SORCS1: variants seen among roughly 807,000 people sequenced by gnomAD.
SORCS1 encodes the protein sortilin related VPS10 domain containing receptor 1.
Under a neutral mutation model 146.1 loss-of-function variants are expected in SORCS1, and 60 were observed. The observed-to-expected ratio is 0.41, with a 90% CI of 0.33 to 0.51. The LOEUF (loss-of-function observed/expected upper bound fraction) is 0.51. Ranked by LOEUF, SORCS1 falls within the 20% of genes least tolerant of loss-of-function variation. The probability of loss-of-function intolerance (pLI) is 0.21; values close to 1 mark genes in which losing one functional copy is unlikely to be tolerated. For synonymous variants in SORCS1, 637 were observed against 584.0 expected (o/e 1.09, Z -1.31); for missense variants, 1,352 against 1,487.6 (o/e 0.91, Z 1.50).
intron 1 of SORCS1, among the ~76,000 whole-genome samples, chr10:107,133,847 C>T (rs573053076): frequency 6.6e-6 from 1 of 152,222 alleles, no homozygotes; most frequent in Non-Finnish European, 1.5e-5. Context: ...CAGCTTTCAA[C>T]TTTAGATTTT....
chr10:106,947,587 T>C (rs1211674853), intron 2 of SORCS1, among the ~76,000 whole-genome samples: 2 of 152,168 alleles, frequency 1.3e-5, no homozygotes, highest in Non-Finnish European at 2.9e-5. Context: ...CTCACGCCTG[T>C]AATCCCAGCA....
intron 3 of SORCS1, among the ~76,000 whole-genome samples, chr10:106,797,557 G>C (rs186458585): frequency 6.6e-6 from 1 of 151,492 alleles, no homozygotes; most frequent in African/African-American, 2.4e-5. Flanking sequence ...ATGAAAAACA[G>C]AGGGTAGAAA....
Position 106,709,277 on chromosome 10 carries a change from T to C in SORCS1, c.1089A>G (p.Pro363=), listed in dbSNP as rs759474935. ...TCAAAGAGTCTGGGTCAATGTAGCCTGGAAAAGGCTGATTCCTGTTGGCCT... is the reference window on the plus strand; with the variant it reads ...TCAAAGAGTCTGGGTCAATGTAGCCCGGAAAAGGCTGATTCCTGTTGGCCT... ...CTEANRNQPF[P]GYIDPDSLIV... The change falls in exon 7 of 26, where the codon CCA becomes CCG. Residue 363 remains proline (P), a synonymous_variant. Transcript: ENST00000263054. 163 of 1,613,720 alleles carry C rather than the reference T, an allele frequency of 1.0e-4. No individual in the cohort carries two copies. The highest frequency in any genetic ancestry group is 1.3e-4 in the Non-Finnish European group (159 of 1,179,880).
At chr10:106,924,960 C>A (rs10748929) in intron 2 of SORCS1, among the ~76,000 whole-genome samples, 79,044 of 151,854 alleles carry the variant, frequency 0.52, 22,266 homozygotes, top group Non-Finnish European at 0.63. Flanking sequence ...TCCTCACTCA[C>A]AAGATATATT....
intron 2 of SORCS1, among the ~76,000 whole-genome samples, chr10:106,860,815 T>C (rs1489531597): frequency 1.3e-5 from 2 of 152,222 alleles, no homozygotes; most frequent in Non-Finnish European, 2.9e-5. Context: ...GTTTGTAATA[T>C]TGGCGAGTTG....
chr10:107,072,723 T>G, intron 1 of SORCS1, among the ~76,000 whole-genome samples: 1 of 148,052 alleles, frequency 6.8e-6, no homozygotes, highest in Admixed American at 6.7e-5. Flanking sequence ...TATTTATTCC[T>G]AAACAGAACA....
Position 106,960,136 on chromosome 10 carries a change from C to A in SORCS1, c.559-3556G>T, listed in dbSNP as rs917330800. 4.6e-5 allele frequency among the ~76,000 whole-genome samples: 7 copies of A among 152,180 alleles called. No homozygotes were observed. Among genetic ancestry groups the A allele is most frequent in the African/African-American group, 1.2e-4 (5 of 41,440 alleles). On this transcript the variant is annotated intron_variant, in intron 1 of 25. Coordinates refer to ENST00000263054, the MANE Select transcript of SORCS1 (RefSeq NM_052918.5). The surrounding 1 kb of genome is among the most constrained non-coding windows in gnomAD (Gnocchi z 4.4). ...ATGGTACTAGCTTTTTAAGGTTCCT[C>A]TCTAAATCTTAGGATATTATCTTTA...
intron 17 of SORCS1, among the ~76,000 whole-genome samples, chr10:106,666,073 C>G (rs767324367): frequency 2.0e-5 from 3 of 152,124 alleles, no homozygotes; most frequent in African/African-American, 7.2e-5. Flanking sequence ...ATCTCCTGAC[C>G]TTGTGATCCG....
At chr10:107,130,738 CTT>C (rs944740535) in intron 1 of SORCS1, among the ~76,000 whole-genome samples, 4 of 143,192 alleles carry the variant, frequency 2.8e-5, no homozygotes, top group Non-Finnish European at 3.1e-5. Flanking sequence ...AGAAAGTTTT[CTT>C]TTTTTTTTTT....
intron 3 of SORCS1, among the ~76,000 whole-genome samples, chr10:106,794,659 C>T (rs1174040951): frequency 6.6e-6 from 1 of 151,924 alleles, no homozygotes; most frequent in Non-Finnish European, 1.5e-5. Flanking sequence ...CCCGCCACCA[C>T]GCCCGGCTAA....
chr10:107,164,825 C>T (rs928699372), upstream of SORCS1, among the ~76,000 whole-genome samples: 1 of 147,424 alleles, frequency 6.8e-6, no homozygotes, highest in South Asian at 2.1e-4. This position sits in a 1 kb window ranked among gnomAD's most constrained non-coding sequence, Gnocchi z 6.8. Context: ...GCAGGCGCTG[C>T]CGGGACTCCG....
chr10:106,998,020 A>G (rs1957070747), intron 1 of SORCS1, among the ~76,000 whole-genome samples: 1 of 152,234 alleles, frequency 6.6e-6, no homozygotes, highest in Non-Finnish European at 1.5e-5. Flanking sequence ...TAAGGAGAAG[A>G]CCTCACTTAA....
At chr10:106,892,081 C>T (rs963544391) in intron 2 of SORCS1, among the ~76,000 whole-genome samples, 3 of 152,218 alleles carry the variant, frequency 2.0e-5, no homozygotes, top group African/African-American at 7.2e-5. Flanking sequence ...TTCTCCATGT[C>T]TCAGAGCAAA....
chr10:106,972,503 T>A (rs773905153), intron 1 of SORCS1, among the ~76,000 whole-genome samples: 1 of 152,032 alleles, frequency 6.6e-6, no homozygotes, highest in African/African-American at 2.4e-5. Flanking sequence ...TTCTCAACTA[T>A]CCTTTACAGC....
chr10:107,075,724 C>T (rs1281317375), intron 1 of SORCS1, among the ~76,000 whole-genome samples: 1 of 152,056 alleles, frequency 6.6e-6, no homozygotes, highest in Non-Finnish European at 1.5e-5. Flanking sequence ...GCAACTTTTG[C>T]AGTAGCTGGG....
intron 1 of SORCS1, among the ~76,000 whole-genome samples, chr10:106,986,227 G>A (rs1272257391): frequency 6.8e-6 from 1 of 146,910 alleles, no homozygotes; most frequent in Non-Finnish European, 1.5e-5. Context: ...CATACAGCAT[G>A]TATATTCATA....
At chr10:106,957,897 G>A (rs553737552) in intron 1 of SORCS1, among the ~76,000 whole-genome samples, 1 of 152,210 alleles carries the variant, frequency 6.6e-6, no homozygotes, top group South Asian at 2.1e-4. Flanking sequence ...TTTGTCTGAC[G>A]CCAGAAGAGA....
At chr10:106,821,472 T>G (rs1948020293) in intron 3 of SORCS1, among the ~76,000 whole-genome samples, 1 of 152,246 alleles carries the variant, frequency 6.6e-6, no homozygotes, top group Admixed American at 6.5e-5. Context: ...CATATAAACT[T>G]GATCATCATA....
intron 3 of SORCS1, among the ~76,000 whole-genome samples, chr10:106,801,014 C>T (rs1241050632): frequency 6.6e-6 from 1 of 152,194 alleles, no homozygotes; most frequent in African/African-American, 2.4e-5. Flanking sequence ...ACTGGAATAT[C>T]AATACCACAC....
Sources: allele counts gnomAD v4.1 joint callset (sites outside exome capture counted in the v4.1 genomes callset), GRCh38; gene constraint gnomAD v4.1.1; non-coding constraint Gnocchi (gnomAD v3.1); transcripts MANE v1.5; gene names NCBI Gene and HGNC (gene_info 2026-07-23, HGNC 2026-07-21).